SIMC1: variants seen among roughly 807,000 people sequenced by gnomAD.
The protein encoded by SIMC1 is SUMO-interacting motif-containing protein 1.
SIMC1 carries 55 observed loss-of-function variants against 82.3 expected under a neutral mutation model. That is an observed-to-expected ratio of 0.67 (90% CI 0.54 to 0.84). The LOEUF is 0.84. Ranked by LOEUF, SIMC1 falls within the 40% of genes least tolerant of loss-of-function variation. SIMC1 has a pLI of 0.00. For synonymous variants in SIMC1, 353 were observed against 426.3 expected (o/e 0.83, Z 2.12); for missense variants, 915 against 1,107.2 (o/e 0.83, Z 2.46).
intron 4 of SIMC1, among the ~76,000 whole-genome samples, chr5:176,299,336 T>C (rs900050680): frequency 3.3e-5 from 5 of 151,294 alleles, no homozygotes; most frequent in African/African-American, 9.7e-5. Flanking sequence ...TAGGCTGCAG[T>C]AGGCTATCAT....
intron 1 of SIMC1, among the ~76,000 whole-genome samples, chr5:176,246,762 C>T (rs1311041244): frequency 2.6e-5 from 4 of 151,812 alleles, no homozygotes; most frequent in Admixed American, 6.6e-5. Context: ...CTCCCCTAGC[C>T]CCCCACCCCC....
chr5:176,305,849 G>C (rs1764335515), intron 4 of SIMC1, among the ~76,000 whole-genome samples: 1 of 76,096 alleles, frequency 1.3e-5, no homozygotes, highest in Non-Finnish European at 2.8e-5. Context: ...GTCCGGGAGG[G>C]AGGTGGGGGG....
At chr5:176,334,988 G>T (rs1765820193) in intron 7 of SIMC1, among the ~76,000 whole-genome samples, 1 of 151,864 alleles carries the variant, frequency 6.6e-6, no homozygotes, top group African/African-American at 2.4e-5. Flanking sequence ...CGGCTCAGGA[G>T]GCTGAGGTAG....
chr5:176,316,752 G>T (rs1052980059), intron 5 of SIMC1, among the ~76,000 whole-genome samples: 2 of 152,026 alleles, frequency 1.3e-5, no homozygotes, highest in Non-Finnish European at 2.9e-5. Flanking sequence ...CCAGCACTTT[G>T]GGAGGCCAAG....
chr5:176,283,580 G>A (rs1252933537), intron 1 of SIMC1, among the ~76,000 whole-genome samples: 3 of 152,162 alleles, frequency 2.0e-5, no homozygotes, highest in African/African-American at 4.8e-5. Context: ...ATGCCAAATT[G>A]TAAAGACCAT....
chr5:176,240,234 G>GA (rs1174519497), intron 1 of SIMC1, among the ~76,000 whole-genome samples: 3 of 93,134 alleles, frequency 3.2e-5, no homozygotes, highest in East Asian at 5.8e-4. Flanking sequence ...AGGTGGAAGG[G>GA]AAAAAATACT....
At chr5:176,246,446 G>GT (rs1761448468) in intron 1 of SIMC1, among the ~76,000 whole-genome samples, 2 of 136,760 alleles carry the variant, frequency 1.5e-5, no homozygotes, top group East Asian at 2.3e-4. Flanking sequence ...GTGTGTGTGT[G>GT]TGTTGTTTGT....
In SIMC1 at chr5:176,254,852, T is replaced by C. The variant is rs1389794440; in HGVS notation, c.129+16215T>C. ...AGAATACTCATGGATAGTTTCTGAA[T>C]TTTAGAGGAATCAAATAGGGACAAA... On this transcript the variant is annotated intron_variant, in intron 1 of 9. Coordinates refer to ENST00000429602, the MANE Select transcript of SIMC1 (RefSeq NM_001308195.2). 2.0e-5 allele frequency among the ~76,000 whole-genome samples: 3 copies of C among 152,244 alleles called. No individual in the cohort carries two copies. In the East Asian group the frequency reaches 5.8e-4, roughly 29 times the overall value.
intron 1 of SIMC1, among the ~76,000 whole-genome samples, chr5:176,259,463 T>C (rs1156724298): frequency 6.6e-6 from 1 of 151,300 alleles, no homozygotes; most frequent in Non-Finnish European, 1.5e-5. Flanking sequence ...AAAAAAAAAT[T>C]ATAAACATTA....
intron 1 of SIMC1, among the ~76,000 whole-genome samples, chr5:176,286,426 C>G (rs1218969999): frequency 2.0e-5 from 3 of 152,206 alleles, no homozygotes; most frequent in Non-Finnish European, 4.4e-5. Flanking sequence ...GGAAAACTGA[C>G]CAGCCAAATG....
At chr5:176,300,250 A>G (rs1189774086) in intron 4 of SIMC1, among the ~76,000 whole-genome samples, 2 of 152,190 alleles carry the variant, frequency 1.3e-5, no homozygotes, top group African/African-American at 4.8e-5. Flanking sequence ...GGTAATAGTA[A>G]AGATTAGAGC....
intron 4 of SIMC1, among the ~76,000 whole-genome samples, chr5:176,312,374 A>G (rs1764698527): frequency 6.6e-6 from 1 of 152,018 alleles, no homozygotes; most frequent in African/African-American, 2.4e-5. Flanking sequence ...TGTCTCTACT[A>G]AAAATACAAA....
intron 8 of SIMC1, 57 bp from the exon 9 acceptor site, chr5:176,337,005 A>C: frequency 6.2e-7 from 1 of 1,605,542 alleles, no homozygotes. Flanking sequence ...TGAAAACTGT[A>C]CAAAAATTTT....
chr5:176,344,468 TACACACACACACACACACAC>T (rs57991528), intron 9 of SIMC1, among the ~76,000 whole-genome samples: 10 of 146,648 alleles, frequency 6.8e-5, no homozygotes, highest in Admixed American at 4.1e-4. Flanking sequence ...GTCAGGAGTA[TACACACACACACACACACAC>T]ACACACACAC....
chr5:176,308,238 T>C lies in SIMC1; in HGVS notation c.1735-5453T>C, dbSNP rs1364144362. The C allele has an allele frequency of 1.0e-5, 16 of 1,540,280 alleles. No homozygotes were observed. In the East Asian group the frequency reaches 3.4e-4, roughly 33 times the overall value. On this transcript the variant is annotated intron_variant, in intron 4 of 9. Transcript: ENST00000429602. ...AAATTTGCATATACTGGAACTGAAA[T>C]GCGCACAGTTGCTGAAAAGGTTGAT...
intron 6 of SIMC1, among the ~76,000 whole-genome samples, chr5:176,323,886 A>C (rs1444079203): frequency 6.6e-6 from 1 of 151,792 alleles, no homozygotes; most frequent in African/African-American, 2.4e-5. Flanking sequence ...TACTCAGGAG[A>C]CTGAGGCAGG....
intron 1 of SIMC1, among the ~76,000 whole-genome samples, chr5:176,280,848 C>G (rs902263261): frequency 8.5e-5 from 13 of 152,322 alleles, no homozygotes; most frequent in Non-Finnish European, 1.5e-4. Flanking sequence ...ACCTTTCTCT[C>G]TGGCTGCCCT....
Position 176,290,023 on chromosome 5 carries a change from A to G in SIMC1, c.499A>G (p.Thr167Ala). Residue 167 changes from threonine (T) to alanine (A), a missense_variant, in exon 2 of 10, where the codon ACA becomes GCA. Coordinates refer to ENST00000429602, the MANE Select transcript of SIMC1 (RefSeq NM_001308195.2). ...GCCTAATTGTAGCTCAGCCACATTC[A>G]CAGGTAACCTCAGCTTCTTGGCAAG... Reference protein sequence around the residue: ...TEPNCSSATFTGNLSFLASLQ... With the variant: ...TEPNCSSATFAGNLSFLASLQ... 6.2e-7 allele frequency: 1 copy of G among 1,613,690 alleles called. No individual in the cohort carries two copies. Among genetic ancestry groups the G allele is most frequent in the Non-Finnish European group, 8.5e-7 (1 of 1,179,774 alleles).
At chr5:176,271,641 A>G (rs1231633997) in intron 1 of SIMC1, among the ~76,000 whole-genome samples, 1 of 151,564 alleles carries the variant, frequency 6.6e-6, no homozygotes, top group Non-Finnish European at 1.5e-5. Context: ...GATACAATGA[A>G]TAAGATCTAG....
Sources: gnomAD v4.1 joint callset for allele counts (sites outside exome capture counted in the v4.1 genomes callset) on GRCh38, gnomAD v4.1.1 for gene constraint, MANE v1.5 for transcripts, NCBI Gene and HGNC (gene_info 2026-07-23, HGNC 2026-07-21) for gene names.